The following NTSR1 variants were observed in gnomAD, a reference collection of about 807,000 sequenced individuals.
NTSR1 encodes the protein neurotensin receptor type 1.
A neutral mutation model predicts 31.2 loss-of-function variants in NTSR1; 29 were observed. That is an observed-to-expected ratio of 0.93 (90% confidence interval 0.69 to 1.27). NTSR1 has a LOEUF of 1.27. NTSR1 is among the 50% of genes most tolerant of loss of function. NTSR1 has a pLI of 0.00. For missense variants in NTSR1, 697 were observed against 595.4 expected (o/e 1.17, Z -1.78); for synonymous variants, 282 against 269.9 (o/e 1.04, Z -0.44).
At position 62,709,761 on chromosome 20, in the gene NTSR1, C is replaced by T. The variant is rs553654262; in HGVS notation, c.554C>T (p.Thr185Ile). ...AAGACCCTCATGTCCCGAAGCCGCA[C>T]CAAGAAGTTCATCAGCGCCATCTGG... ...KAKTLMSRSRTKKFISAIWLA... is the reference protein window; with the variant it reads ...KAKTLMSRSRIKKFISAIWLA... Residue 185 changes from threonine (T) to isoleucine (I), a missense_variant, in exon 1 of 4, where the codon ACC (threonine) becomes ATC (isoleucine). Coordinates refer to ENST00000370501, the MANE Select transcript of NTSR1 (RefSeq NM_002531.3). 3 of 1,612,962 alleles carry T rather than the reference C, an allele frequency of 1.9e-6. No individual in the cohort carries two copies. The highest frequency in any genetic ancestry group is 2.5e-6 in the Non-Finnish European group (3 of 1,179,940).
intron 1 of NTSR1, among the ~76,000 whole-genome samples, chr20:62,728,558 C>T (rs952726269): frequency 4.6e-5 from 7 of 152,346 alleles, no homozygotes; most frequent in Non-Finnish European, 8.8e-5. Context: ...GCTTCCATTT[C>T]GGTGAAAGTG....
intron 1 of NTSR1, among the ~76,000 whole-genome samples, chr20:62,726,004 T>C (rs1279547431): frequency 6.6e-6 from 1 of 152,210 alleles, no homozygotes; most frequent in East Asian, 1.9e-4. Context: ...TCTGCTGCCC[T>C]GTCCCTGCCC....
rs912115647 is a variant in NTSR1, at chr20:62,732,153, C to G, written c.714+22232C>G. 4.0e-5 allele frequency among the ~76,000 whole-genome samples: 6 copies of G among 151,520 alleles called. No homozygotes were observed. Among genetic ancestry groups the G allele is most frequent in the Non-Finnish European group, 8.8e-5 (6 of 67,944 alleles). On this transcript the variant is annotated intron_variant, in intron 1 of 3. Transcript: ENST00000370501. This position sits in a 1 kb window ranked among gnomAD's most constrained non-coding sequence, Gnocchi z 4.0. Reference sequence around the variant, plus strand: ...AAAAAAAATTACACTGTACCGATAACTGGGGCTTTATAGCAAGTGTTGAAA... The same window carrying G: ...AAAAAAAATTACACTGTACCGATAAGTGGGGCTTTATAGCAAGTGTTGAAA...
chr20:62,760,422 A>AGG lies in NTSR1; in HGVS notation c.*155_*156insGG. On this transcript the variant is annotated 3_prime_UTR_variant, in exon 4 of 4. Transcript: ENST00000370501. ...CTGGGACCCCCCCCTCCCACCCCCT[A>AGG]ACCCATGTTTCTCATTAGTGTCTCC... 4 of 558,660 alleles carry AGG rather than the reference A, an allele frequency of 7.2e-6. No homozygotes were observed. Among genetic ancestry groups the AGG allele is most frequent in the South Asian group, 2.3e-5 (1 of 44,430 alleles). The allele number at this position is 558,660 out of a possible 1,614,324, so 34.6% of individuals were successfully genotyped here.
chr20:62,751,661 C>G (rs1989396261), intron 1 of NTSR1, among the ~76,000 whole-genome samples: 1 of 152,248 alleles, frequency 6.6e-6, no homozygotes, highest in African/African-American at 2.4e-5. Flanking sequence ...GTGACTGATG[C>G]AAATGTTTGG....
At chr20:62,759,934 C>G (rs1989584693) in intron 3 of NTSR1, 84 bp from the exon 4 acceptor site, 2 of 1,409,882 alleles carry the variant, frequency 1.4e-6, no homozygotes, top group East Asian at 4.6e-5. Flanking sequence ...CCACGTCCCT[C>G]AGCCGCTGTG....
chr20:62,742,619 C>T lies in NTSR1; in HGVS notation c.715-12066C>T, dbSNP rs868748691. Among the ~76,000 whole-genome samples, 1 of 149,610 alleles carries T rather than the reference C, an allele frequency of 6.7e-6. No individual in the cohort carries two copies. The highest frequency in any genetic ancestry group is 2.1e-4 in the South Asian group (1 of 4,758). The stretch of plus-strand genomic sequence containing the variant: ...TCTGCTCCCCAGACACCTGTTTACA[C>T]AGGGCCCTAGGTCTCAGGTGTCCTG... On this transcript the variant is annotated intron_variant, in intron 1 of 3. Coordinates refer to ENST00000370501, the MANE Select transcript of NTSR1 (RefSeq NM_002531.3). The surrounding 1 kb of genome is among the most constrained non-coding windows in gnomAD (Gnocchi z 7.1).
At chr20:62,724,533 C>T (rs1017571063) in intron 1 of NTSR1, among the ~76,000 whole-genome samples, 6 of 152,214 alleles carry the variant, frequency 3.9e-5, no homozygotes, top group Admixed American at 1.3e-4. Flanking sequence ...CATTTGTGTC[C>T]GATCAGCACA....
rs921505485 is a variant in NTSR1, at chr20:62,715,721, G to A, written c.714+5800G>A. Among the ~76,000 whole-genome samples, 3 of 152,238 alleles carry A rather than the reference G, an allele frequency of 2.0e-5. No individual in the cohort carries two copies. Among genetic ancestry groups the A allele is most frequent in the Non-Finnish European group, 4.4e-5 (3 of 68,034 alleles). Reference sequence around the variant, plus strand: ...ATGGGGTCCTGGGGCTGTGCCTGCAGTTCTGTGGGTACTGAGGGCAGCAAG... The same window carrying A: ...ATGGGGTCCTGGGGCTGTGCCTGCAATTCTGTGGGTACTGAGGGCAGCAAG... On this transcript the variant is annotated intron_variant, in intron 1 of 3. Coordinates refer to ENST00000370501, the MANE Select transcript of NTSR1 (RefSeq NM_002531.3). The surrounding 1 kb of genome is among the most constrained non-coding windows in gnomAD (Gnocchi z 4.7).
intron 1 of NTSR1, 63 bp downstream of exon 1, chr20:62,709,984 T>C: frequency 7.7e-7 from 1 of 1,303,774 alleles, no homozygotes; most frequent in South Asian, 1.5e-5. Context: ...GTGCCAGTGG[T>C]GTGCCTTCTG....
At chr20:62,728,073 C>T (rs1429933470) in intron 1 of NTSR1, among the ~76,000 whole-genome samples, 2 of 151,810 alleles carry the variant, frequency 1.3e-5, no homozygotes, top group African/African-American at 2.4e-5. Flanking sequence ...TTTACTCCCC[C>T]TCCTGGGGCT....
rs563516115 is a variant in NTSR1 at position 62,721,536 on chromosome 20, G to A, written c.714+11615G>A. On this transcript the variant is annotated intron_variant, in intron 1 of 3. Transcript: ENST00000370501. ...TCCGTGGTGGTTCCAATGCAGGCCT[G>A]TTTTTGGGTCTTTTGCTGTTCAGCC... Among the ~76,000 whole-genome samples the A allele has an allele frequency of 2.0e-5, 3 of 152,344 alleles. No homozygotes were observed. In the East Asian group the frequency reaches 5.8e-4, roughly 29 times the overall value.
At chr20:62,751,074 A>T (rs1346190959) in intron 1 of NTSR1, among the ~76,000 whole-genome samples, 2 of 152,028 alleles carry the variant, frequency 1.3e-5, no homozygotes, top group Non-Finnish European at 2.9e-5. Context: ...ATGGGGTCTC[A>T]CTGTGTTGCC....
rs938969461 is a variant in NTSR1, at chr20:62,745,668, C to T, written c.715-9017C>T. Among the ~76,000 whole-genome samples the T allele has an allele frequency of 2.0e-5, 3 of 152,174 alleles. No individual in the cohort carries two copies. The highest frequency in any genetic ancestry group is 2.9e-5 in the Non-Finnish European group (2 of 68,042). The stretch of plus-strand genomic sequence containing the variant: ...CACAGGAGAAAGATACAAAGACAGA[C>T]AGAGACACATATTCTGCCTCGCCTC... On this transcript the variant is annotated intron_variant, in intron 1 of 3. Transcript: ENST00000370501. This position sits in a 1 kb window ranked among gnomAD's most constrained non-coding sequence, Gnocchi z 4.1.
chr20:62,731,017 G>C (rs145833700), intron 1 of NTSR1, among the ~76,000 whole-genome samples: 1 of 152,242 alleles, frequency 6.6e-6, no homozygotes, highest in South Asian at 2.1e-4. Context: ...TTCCTAGGCT[G>C]TATCTTGTCT....
rs1989255524 is a variant in NTSR1 at position 62,744,183 on chromosome 20, C to T, written c.715-10502C>T. 6.6e-6 allele frequency among the ~76,000 whole-genome samples: 1 copy of T among 152,192 alleles called. No individual in the cohort carries two copies. Among genetic ancestry groups the T allele is most frequent in the African/African-American group, 2.4e-5 (1 of 41,452 alleles). ...CCGCAGTCCTGTGCCCCCCAATTTG[C>T]TTCCTTTCCCACACCCAAGGGAGCA... On this transcript the variant is annotated intron_variant, in intron 1 of 3. Transcript: ENST00000370501. This position sits in a 1 kb window ranked among gnomAD's most constrained non-coding sequence, Gnocchi z 4.1.
chr20:62,737,802 C>T (rs1989124396), intron 1 of NTSR1, among the ~76,000 whole-genome samples: 1 of 151,962 alleles, frequency 6.6e-6, no homozygotes, highest in South Asian at 2.1e-4. Context: ...GCTGCTGCTT[C>T]CCACTTCTGA....
At chr20:62,736,413 A>G (rs998489363) in intron 1 of NTSR1, among the ~76,000 whole-genome samples, 13 of 152,240 alleles carry the variant, frequency 8.5e-5, no homozygotes, top group Admixed American at 2.6e-4. Flanking sequence ...TCACAGTTCC[A>G]GAAGCTTCCC....
chr20:62,740,576 G>A (rs1206840733), intron 1 of NTSR1, among the ~76,000 whole-genome samples: 2 of 152,202 alleles, frequency 1.3e-5, no homozygotes, highest in African/African-American at 4.8e-5. Context: ...TCTGAGGGTG[G>A]AGACCAGAGC....
Sources: allele counts gnomAD v4.1 joint callset (sites outside exome capture counted in the v4.1 genomes callset), GRCh38; gene constraint gnomAD v4.1.1; non-coding constraint Gnocchi (gnomAD v3.1); transcripts MANE v1.5; gene names NCBI Gene and HGNC (gene_info 2026-07-23, HGNC 2026-07-21).